Variants in NLGN1 observed in about 807,000 individuals in gnomAD.
NLGN1 encodes neuroligin-1.
Under a neutral mutation model 65.5 loss-of-function variants are expected in NLGN1, and 12 were observed. The observed-to-expected ratio is 0.18, with a 90% confidence interval of 0.12 to 0.30. The LOEUF (loss-of-function observed/expected upper bound fraction) is 0.30, where lower values mean the gene tolerates loss of function less well. Ranked by LOEUF, NLGN1 falls within the 10% of genes least tolerant of loss-of-function variation. The pLI is 1.00. For synonymous variants in NLGN1, 350 were observed against 359.5 expected (o/e 0.97, Z 0.30); for missense variants, 750 against 1,007.1 (o/e 0.74, Z 3.46).
chr3:173,863,221 A>T (rs1349459301), intron 4 of NLGN1, among the ~76,000 whole-genome samples: 1 of 152,098 alleles, frequency 6.6e-6, no homozygotes, highest in Non-Finnish European at 1.5e-5. Context: ...GCTATAAAAA[A>T]TTAATGTGAT....
chr3:173,665,564 G>T (rs117672859), intron 3 of NLGN1, among the ~76,000 whole-genome samples: 2 of 152,066 alleles, frequency 1.3e-5, no homozygotes, highest in African/African-American at 4.8e-5. Flanking sequence ...AAATGACAAG[G>T]TTTACATAAT....
chr3:174,064,658 A>G (rs1307836835), intron 4 of NLGN1, among the ~76,000 whole-genome samples: 1 of 150,606 alleles, frequency 6.6e-6, no homozygotes, highest in African/African-American at 2.4e-5. Flanking sequence ...GAATATATAT[A>G]TGTATGTATA....
At chr3:173,601,693 C>A (rs1297552234) in intron 2 of NLGN1, among the ~76,000 whole-genome samples, 2 of 151,580 alleles carry the variant, frequency 1.3e-5, no homozygotes, top group Non-Finnish European at 2.9e-5. Context: ...TTTTTGGTTA[C>A]TAATAAATAA....
intron 4 of NLGN1, among the ~76,000 whole-genome samples, chr3:174,099,156 A>G (rs1342038628): frequency 6.6e-6 from 1 of 152,212 alleles, no homozygotes; most frequent in Non-Finnish European, 1.5e-5. Context: ...AAGTTATGCA[A>G]CAGACGTTTT....
the NLGN1 span, among the ~76,000 whole-genome samples, chr3:174,294,236 T>C: frequency 1.3e-5 from 2 of 151,814 alleles, no homozygotes; most frequent in African/African-American, 4.8e-5. Context: ...TCTTTTCTTA[T>C]GCTTATAAGC....
intron 4 of NLGN1, among the ~76,000 whole-genome samples, chr3:174,249,370 GAT>G (rs879876930): frequency 2.0e-5 from 3 of 152,150 alleles, no homozygotes; most frequent in Non-Finnish European, 4.4e-5. Context: ...TGAACTATAA[GAT>G]ATGTTATGAA....
At chr3:173,634,284 A>G (rs111577762) in intron 3 of NLGN1, among the ~76,000 whole-genome samples, 588 of 152,270 alleles carry the variant, frequency 3.9e-3, no homozygotes, top group African/African-American at 0.013. Context: ...AAAGAAAATT[A>G]TTTAAAATGA....
intron 4 of NLGN1, among the ~76,000 whole-genome samples, chr3:173,877,613 A>G (rs1184190468): frequency 6.6e-6 from 1 of 152,190 alleles, no homozygotes; most frequent in Non-Finnish European, 1.5e-5. Context: ...AGGTGCTATC[A>G]TAAAGGGAAC....
At chr3:173,576,541 G>A (rs1745528243) in intron 2 of NLGN1, among the ~76,000 whole-genome samples, 1 of 152,094 alleles carries the variant, frequency 6.6e-6, no homozygotes, top group African/African-American at 2.4e-5. Context: ...TAAGAGTGTA[G>A]CATCTTCAAA....
intron 1 of NLGN1, among the ~76,000 whole-genome samples, chr3:173,422,700 T>A (rs1000016441): frequency 6.6e-6 from 1 of 152,222 alleles, no homozygotes; most frequent in African/African-American, 2.4e-5. Context: ...AGTTTTGATT[T>A]GTATTTCTCT....
chr3:173,882,560 A>C (rs1000625003), intron 4 of NLGN1, among the ~76,000 whole-genome samples: 4 of 152,194 alleles, frequency 2.6e-5, no homozygotes, highest in African/African-American at 9.6e-5. Flanking sequence ...TATGTTATGG[A>C]GGTGACTTCT....
At chr3:173,639,220 G>T (rs1352318104) in intron 3 of NLGN1, among the ~76,000 whole-genome samples, 1 of 152,196 alleles carries the variant, frequency 6.6e-6, no homozygotes. Context: ...GTTCTTTCTG[G>T]CTCAGTTAAG....
At chr3:173,882,521 C>A (rs1733537026) in intron 4 of NLGN1, among the ~76,000 whole-genome samples, 1 of 152,208 alleles carries the variant, frequency 6.6e-6, no homozygotes, top group Non-Finnish European at 1.5e-5. Flanking sequence ...AGCATCTGCA[C>A]CAGCATTTCC....
chr3:173,669,944 C>A (rs1015609200), intron 3 of NLGN1, among the ~76,000 whole-genome samples: 3 of 152,098 alleles, frequency 2.0e-5, no homozygotes, highest in Admixed American at 6.5e-5. Flanking sequence ...AAAATAAAAA[C>A]ACAAAATCTT....
intron 4 of NLGN1, among the ~76,000 whole-genome samples, chr3:173,947,855 A>G (rs925663238): frequency 2.6e-5 from 4 of 152,234 alleles, no homozygotes; most frequent in African/African-American, 9.6e-5. Flanking sequence ...GAGTTAAGCA[A>G]ATATCTAGTC....
intron 4 of NLGN1, among the ~76,000 whole-genome samples, chr3:174,134,341 G>A (rs542481934): frequency 3.1e-4 from 47 of 152,252 alleles, no homozygotes; most frequent in African/African-American, 1.1e-3. Context: ...AAATGGAAAA[G>A]CAGCATGACC....
intron 1 of NLGN1, among the ~76,000 whole-genome samples, chr3:173,408,307 A>C (rs1398887270): frequency 3.3e-5 from 5 of 152,188 alleles, no homozygotes; most frequent in Non-Finnish European, 4.4e-5. Context: ...GGGAGAGAGA[A>C]TCTAGTTGGT....
chr3:173,478,901 AAAAAAG>A (rs886664310), intron 2 of NLGN1, among the ~76,000 whole-genome samples: 2 of 151,292 alleles, frequency 1.3e-5, no homozygotes, highest in African/African-American at 2.4e-5. Context: ...CGATTAAAAA[AAAAAAG>A]AAAAAGAAAA....
intron 4 of NLGN1, among the ~76,000 whole-genome samples, chr3:174,008,030 T>G (rs950905477): frequency 6.6e-6 from 1 of 152,110 alleles, no homozygotes; most frequent in South Asian, 2.1e-4. Flanking sequence ...TGCAGAAGGA[T>G]GTATTTGCCC....
Sources: gnomAD v4.1 joint callset for allele counts (sites outside exome capture counted in the v4.1 genomes callset) on GRCh38, gnomAD v4.1.1 for gene constraint, MANE v1.5 for transcripts, NCBI Gene and HGNC (gene_info 2026-07-23, HGNC 2026-07-21) for gene names.